RIMS2: variants seen among roughly 807,000 people sequenced by gnomAD.
RIMS2 encodes the protein regulating synaptic membrane exocytosis 2.
In RIMS2, 59 loss-of-function variants were observed where a neutral mutation model predicts 174.4. That is an observed-to-expected ratio of 0.34 (90% CI 0.27 to 0.42). The LOEUF is 0.42. RIMS2 is among the 10% of genes least tolerant of loss of function. The probability of loss-of-function intolerance (pLI) is 1.00; values close to 1 mark genes in which losing one functional copy is unlikely to be tolerated. For missense variants in RIMS2, 1,620 were observed against 1,666.3 expected (o/e 0.97, Z 0.48); for synonymous variants, 606 against 572.5 (o/e 1.06, Z -0.84).
chr8:104,237,573 C>T (rs2099265103), intron 19 of RIMS2, among the ~76,000 whole-genome samples: 1 of 152,116 alleles, frequency 6.6e-6, no homozygotes, highest in African/African-American at 2.4e-5. Context: ...GACCTAACAT[C>T]TACCATAATC....
At chr8:103,500,654 C>A, upstream of RIMS2, 1 of 490,190 alleles carries the variant, frequency 2.0e-6, no homozygotes, top group Non-Finnish European at 3.6e-6. Context: ...CCCTTCGCCC[C>A]CGGGAAGAAG....
downstream of RIMS2, chr8:104,255,848 G>A (rs569816549): frequency 3.3e-5 from 5 of 152,170 alleles, no homozygotes; most frequent in Non-Finnish European, 7.3e-5. Context: ...TTGCAAGAGA[G>A]AATTTTTTTA....
At chr8:103,510,133 T>G (rs1259666383) in intron 1 of RIMS2, among the ~76,000 whole-genome samples, 2 of 152,180 alleles carry the variant, frequency 1.3e-5, no homozygotes, top group African/African-American at 4.8e-5. Flanking sequence ...TGGTAGTTTC[T>G]TGTATCCTGT....
intron 19 of RIMS2, among the ~76,000 whole-genome samples, chr8:104,023,817 G>A (rs2096176870): frequency 1.3e-5 from 2 of 152,134 alleles, no homozygotes; most frequent in Admixed American, 1.3e-4. Context: ...TAATGAAGAG[G>A]TCCAAGAAGT....
In RIMS2 at chr8:104,145,045, A is replaced by G. The variant is rs571960893; in HGVS notation, c.3335-99871A>G. Among the ~76,000 whole-genome samples, 5 of 152,190 alleles carry G rather than the reference A, an allele frequency of 3.3e-5. No homozygotes were observed. The East Asian group carries it at 9.7e-4, about 29-fold the overall frequency. On this transcript the variant is annotated intron_variant, in intron 19 of 23. Transcript: ENST00000504942. ...TGTATAACAGCATTTTCAACAGTAC[A>G]TTGTCTTTTATTGATGAACATAATT...
chr8:103,772,901 CA>C (rs1461977580), intron 3 of RIMS2, among the ~76,000 whole-genome samples: 2 of 151,526 alleles, frequency 1.3e-5, no homozygotes, highest in African/African-American at 4.9e-5. Context: ...TATCCATATG[CA>C]AAAAAATTTG....
chr8:103,555,139 C>T (rs1488460829), intron 1 of RIMS2, among the ~76,000 whole-genome samples: 1 of 152,012 alleles, frequency 6.6e-6, no homozygotes, highest in Non-Finnish European at 1.5e-5. Context: ...AGAAACACAA[C>T]TTACCAGTAT....
chr8:103,607,321 A>G (rs2095151165), intron 1 of RIMS2, among the ~76,000 whole-genome samples: 1 of 152,016 alleles, frequency 6.6e-6, no homozygotes, highest in East Asian at 1.9e-4. Flanking sequence ...AGAATGTTGA[A>G]TATTGGCCCC....
chr8:103,674,057 G>A (rs372393414), intron 1 of RIMS2, among the ~76,000 whole-genome samples: 137 of 152,326 alleles, frequency 9.0e-4, no homozygotes, highest in African/African-American at 3.2e-3. Flanking sequence ...GACATGAGCA[G>A]AATGCAGCTA....
chr8:103,865,548 G>A (rs1044888368), intron 3 of RIMS2, among the ~76,000 whole-genome samples: 3 of 151,674 alleles, frequency 2.0e-5, no homozygotes, highest in African/African-American at 7.3e-5. Flanking sequence ...GCCTCCCAAA[G>A]TGCTGGGATT....
chr8:104,164,139 T>C (rs908765083), intron 19 of RIMS2, among the ~76,000 whole-genome samples: 4 of 151,768 alleles, frequency 2.6e-5, no homozygotes, highest in African/African-American at 7.3e-5. Context: ...TCTTGTCTCT[T>C]TTTGTCTTCC....
At chr8:103,816,917 A>G (rs550225400) in intron 3 of RIMS2, among the ~76,000 whole-genome samples, 1 of 152,214 alleles carries the variant, frequency 6.6e-6, no homozygotes, top group Non-Finnish European at 1.5e-5. Context: ...TTTTAACAGT[A>G]AATGTTGATT....
At chr8:103,957,364 T>C (rs2087737906) in intron 14 of RIMS2, among the ~76,000 whole-genome samples, 1 of 152,106 alleles carries the variant, frequency 6.6e-6, no homozygotes, top group Non-Finnish European at 1.5e-5. Context: ...TGCTCATCAA[T>C]GAATCAATGA....
At chr8:103,945,749 T>TAAA (rs200096706) in intron 14 of RIMS2, among the ~76,000 whole-genome samples, 1 of 136,546 alleles carries the variant, frequency 7.3e-6, no homozygotes, top group Admixed American at 7.4e-5. Context: ...CATTCACAAT[T>TAAA]AAAAAAAAAA....
At chr8:103,904,389 C>A (rs1449129243) in intron 4 of RIMS2, among the ~76,000 whole-genome samples, 1 of 151,874 alleles carries the variant, frequency 6.6e-6, no homozygotes, top group Non-Finnish European at 1.5e-5. Context: ...GGTGAAATTT[C>A]TGTTTATATA....
chr8:103,686,547 A>C (rs2096942315), intron 1 of RIMS2, among the ~76,000 whole-genome samples: 3 of 152,180 alleles, frequency 2.0e-5, no homozygotes, highest in Admixed American at 2.0e-4. Context: ...ATGCTTTCTC[A>C]GCATATTTTT....
chr8:103,799,558 C>A (rs893796824), intron 3 of RIMS2, among the ~76,000 whole-genome samples: 6 of 152,084 alleles, frequency 3.9e-5, no homozygotes, highest in African/African-American at 1.4e-4. Context: ...TGCCTCAGTC[C>A]ATACTTCTAC....
chr8:104,238,889 G>T (rs2139718493), intron 19 of RIMS2, among the ~76,000 whole-genome samples: 1 of 152,260 alleles, frequency 6.6e-6, no homozygotes, highest in Admixed American at 6.5e-5. Flanking sequence ...ACTCGTTAAA[G>T]CATATAAATT....
intron 19 of RIMS2, among the ~76,000 whole-genome samples, chr8:104,223,160 G>A (rs1175232865): frequency 6.6e-6 from 1 of 152,172 alleles, no homozygotes; most frequent in Non-Finnish European, 1.5e-5. Flanking sequence ...TTAACCACGC[G>A]GAGGGAAGAG....
Sources: gnomAD v4.1 joint callset for allele counts (sites outside exome capture counted in the v4.1 genomes callset) on GRCh38, gnomAD v4.1.1 for gene constraint, MANE v1.5 for transcripts, NCBI Gene and HGNC (gene_info 2026-07-23, HGNC 2026-07-21) for gene names.